The following GMDS variants were observed in gnomAD, a reference collection of about 807,000 sequenced individuals.
GMDS encodes the protein GDP-mannose 4,6-dehydratase, also known as GDP-mannose 4,6 dehydratase.
Under a neutral mutation model 49.9 loss-of-function variants are expected in GMDS, and 20 were observed. The observed-to-expected ratio is 0.40, with a 90% CI of 0.28 to 0.58. GMDS has a LOEUF of 0.58. Among genes scored for constraint, GMDS ranks in the 20% least tolerant of loss-of-function variants. The pLI, the probability that GMDS is intolerant of heterozygous loss-of-function variation, is 0.42. For synonymous variants in GMDS, 177 were observed against 178.6 expected (o/e 0.99, Z 0.07); for missense variants, 362 against 481.4 (o/e 0.75, Z 2.32).
chr6:1,917,297 T>C (rs1207748057), intron 7 of GMDS, among the ~76,000 whole-genome samples: 1 of 152,210 alleles, frequency 6.6e-6, no homozygotes, highest in Non-Finnish European at 1.5e-5. Context: ...TCATGGTAAG[T>C]CACTGCACTG....
chr6:2,224,565 A>G (rs889058669), intron 1 of GMDS, among the ~76,000 whole-genome samples: 2 of 152,252 alleles, frequency 1.3e-5, no homozygotes, highest in African/African-American at 4.8e-5. Context: ...TATTTTACAT[A>G]TAATTTTATA....
intron 4 of GMDS, among the ~76,000 whole-genome samples, chr6:2,076,805 AC>A (rs1772368904): frequency 1.3e-5 from 2 of 152,184 alleles, no homozygotes; most frequent in African/African-American, 4.8e-5. Context: ...AGCCATAAAA[AC>A]CCTAGAAGAA....
intron 7 of GMDS, 50 bp downstream of exon 7, chr6:1,930,053 A>G (rs372961397): frequency 2.2e-5 from 33 of 1,525,110 alleles, no homozygotes; most frequent in Non-Finnish European, 3.0e-5. Flanking sequence ...TGGCATTTAG[A>G]ATATCAATGG....
intron 8 of GMDS, among the ~76,000 whole-genome samples, chr6:1,736,793 G>A (rs1767015536): frequency 6.6e-6 from 1 of 152,216 alleles, no homozygotes; most frequent in Non-Finnish European, 1.5e-5. Flanking sequence ...TAGAAGTATG[G>A]CTCATTACAT....
chr6:1,639,368 A>T (rs910019), intron 9 of GMDS, among the ~76,000 whole-genome samples: 94,503 of 152,074 alleles, frequency 0.62, 30,257 homozygotes, highest in East Asian at 0.8. Flanking sequence ...CAGAGAAGAT[A>T]TTCCCTGAGC....
chr6:1,655,492 C>T (rs1269023647), intron 9 of GMDS, among the ~76,000 whole-genome samples: 2 of 35,626 alleles, frequency 5.6e-5, no homozygotes, highest in East Asian at 8.9e-4. Context: ...CACACACACA[C>T]ACATACACAC....
In GMDS at chr6:1,946,531, A is replaced by C. The variant is rs549882823; in HGVS notation, c.643+13336T>G. ...ATCATTATCATTACTAACATCACTA[A>C]CAGTCCCGTAAGTTGAAACTTTTCA... On this transcript the variant is annotated intron_variant, in intron 6 of 10. Transcript: ENST00000380815. 2.6e-5 allele frequency among the ~76,000 whole-genome samples: 4 copies of C among 152,274 alleles called. No individual in the cohort carries two copies. In the East Asian group the frequency reaches 7.7e-4, roughly 29 times the overall value.
intron 7 of GMDS, among the ~76,000 whole-genome samples, chr6:1,785,353 T>C (rs1300215790): frequency 6.6e-6 from 1 of 152,224 alleles, no homozygotes; most frequent in Non-Finnish European, 1.5e-5. Context: ...CAAGAACAAA[T>C]TGCCTTAAAA....
intron 1 of GMDS, among the ~76,000 whole-genome samples, chr6:2,233,198 C>G (rs1027212778): frequency 2.6e-5 from 4 of 152,278 alleles, no homozygotes; most frequent in African/African-American, 9.6e-5. Flanking sequence ...TTACTCAGTA[C>G]TTTTGTTCTC....
chr6:1,850,947 A>G (rs1272392954), intron 7 of GMDS, among the ~76,000 whole-genome samples: 1 of 152,202 alleles, frequency 6.6e-6, no homozygotes, highest in Non-Finnish European at 1.5e-5. Context: ...AATTAGGTAT[A>G]ACCACCACCA....
chr6:2,180,886 G>A (rs1298958227), intron 1 of GMDS, among the ~76,000 whole-genome samples: 2 of 152,112 alleles, frequency 1.3e-5, no homozygotes, highest in Non-Finnish European at 2.9e-5. Context: ...GATGGATGAA[G>A]GCCAGGTGCG....
chr6:1,901,422 C>CA (rs1017127034), intron 7 of GMDS, among the ~76,000 whole-genome samples: 36 of 151,258 alleles, frequency 2.4e-4, no homozygotes, highest in African/African-American at 3.6e-4. Flanking sequence ...CCCATTGTAA[C>CA]AAAAAAAACA....
intron 4 of GMDS, among the ~76,000 whole-genome samples, chr6:1,987,485 C>T (rs145433666): frequency 2.0e-3 from 299 of 152,204 alleles, no homozygotes; most frequent in African/African-American, 5.0e-3. Flanking sequence ...ATATTTATAG[C>T]GCAACACCTA....
chr6:1,918,436 A>T (rs1761523589), intron 7 of GMDS, among the ~76,000 whole-genome samples: 1 of 152,178 alleles, frequency 6.6e-6, no homozygotes, highest in African/African-American at 2.4e-5. Context: ...CTATCTGCTC[A>T]GATATTCTTC....
chr6:1,827,134 GAT>G lies in GMDS; in HGVS notation c.772-84550_772-84549del, dbSNP rs533019372. ...TGTGTGTGTGTGTATGTGTATCCAG[GAT>G]ATATATATATATATATGCACACACA... On this transcript the variant is annotated intron_variant, in intron 7 of 10. Transcript: ENST00000380815. Among the ~76,000 whole-genome samples, 316 of 123,882 alleles carry G rather than the reference GAT, an allele frequency of 2.6e-3. 2 individuals are homozygous for G. Among genetic ancestry groups the G allele is most frequent in the Middle Eastern group, 5.0e-3 (1 of 202 alleles). The allele number at this position is 123,882 out of a possible 152,430, so 81.3% of individuals were successfully genotyped here.
At chr6:1,926,643 T>G (rs1762022003) in intron 7 of GMDS, among the ~76,000 whole-genome samples, 2 of 152,234 alleles carry the variant, frequency 1.3e-5, no homozygotes, top group African/African-American at 4.8e-5. Context: ...TTGCTGACTT[T>G]AATTTTGGCA....
chr6:2,214,888 C>A (rs1265665488), intron 1 of GMDS, among the ~76,000 whole-genome samples: 1 of 152,138 alleles, frequency 6.6e-6, no homozygotes, highest in Non-Finnish European at 1.5e-5. Flanking sequence ...CACAACTTTG[C>A]AACTTCTAAT....
At chr6:1,788,431 CA>C (rs1769402739) in intron 7 of GMDS, among the ~76,000 whole-genome samples, 1 of 152,192 alleles carries the variant, frequency 6.6e-6, no homozygotes, top group African/African-American at 2.4e-5. Flanking sequence ...AGGTATGCAT[CA>C]ATTCATTCAC....
At chr6:2,120,973 T>C (rs73416666) in intron 2 of GMDS, among the ~76,000 whole-genome samples, 3,402 of 152,282 alleles carry the variant, frequency 0.022, 131 homozygotes, top group African/African-American at 0.078. Flanking sequence ...CAGAGCTCCA[T>C]TGGGCTAAGT....
Sources: allele counts gnomAD v4.1 joint callset (sites outside exome capture counted in the v4.1 genomes callset), GRCh38; gene constraint gnomAD v4.1.1; transcripts MANE v1.5; gene names NCBI Gene and HGNC (gene_info 2026-07-23, HGNC 2026-07-21).